The following F2 variants were observed in gnomAD, a reference collection of about 807,000 sequenced individuals.
F2 encodes the protein coagulation factor II, thrombin, also known as prothrombin.
A neutral mutation model predicts 81.9 loss-of-function variants in F2; 34 were observed. The observed-to-expected ratio is 0.42, with a 90% CI of 0.32 to 0.55. The LOEUF is 0.55. F2 is among the 20% of genes least tolerant of loss of function. The probability of loss-of-function intolerance (pLI) is 0.18; values close to 1 mark genes in which losing one functional copy is unlikely to be tolerated. For missense variants in F2, 630 were observed against 833.4 expected (o/e 0.76, Z 3.00); for synonymous variants, 296 against 326.4 (o/e 0.91, Z 1.01).
At chr11:46,736,075 C>T (rs538838133) in intron 12 of F2, among the ~76,000 whole-genome samples, 10 of 147,586 alleles carry the variant, frequency 6.8e-5, no homozygotes, top group South Asian at 6.5e-4. Flanking sequence ...TGGTGGTGTG[C>T]GCCTGTAATC....
chr11:46,725,021 C>T (rs1319191136), intron 6 of F2, among the ~76,000 whole-genome samples: 1 of 149,924 alleles, frequency 6.7e-6, no homozygotes, highest in East Asian at 2.0e-4. Flanking sequence ...CCTCCCGCCT[C>T]GGCCTCCCAA....
intron 11 of F2, 31 bp from the exon 12 acceptor site, chr11:46,729,349 C>T (rs773126270): frequency 4.4e-6 from 7 of 1,606,008 alleles, no homozygotes; most frequent in Middle Eastern, 1.6e-4. Flanking sequence ...TGGGGGTTGG[C>T]TCTCACTAGG....
chr11:46,738,949 C>CT, intron 12 of F2, 99 bp from the exon 13 acceptor site: 1 of 1,200,358 alleles, frequency 8.3e-7, no homozygotes, highest in Non-Finnish European at 1.2e-6. Flanking sequence ...GCAAGAATGA[C>CT]TGGAGGGGTA....
At chr11:46,722,379 G>T (rs1430049809) in intron 4 of F2, among the ~76,000 whole-genome samples, 1 of 151,994 alleles carries the variant, frequency 6.6e-6, no homozygotes, top group Admixed American at 6.6e-5. Flanking sequence ...CAGGCCAGGG[G>T]TTTGAGACCA....
chr11:46,722,563 C>G (rs897614509), intron 4 of F2, among the ~76,000 whole-genome samples: 2 of 152,072 alleles, frequency 1.3e-5, no homozygotes, highest in African/African-American at 2.4e-5. Flanking sequence ...ACTTCAGTCT[C>G]GGCAACAGAA....
rs1158058618 is a variant in F2 at position 46,728,011 on chromosome 11, C to T, written c.1146C>T (p.Phe382=). The T allele has an allele frequency of 6.2e-7, 1 of 1,610,394 alleles. No homozygotes were observed. Among genetic ancestry groups the T allele is most frequent in the African/African-American group, 1.3e-5 (1 of 74,816 alleles). The change falls in exon 10 of 14, where the codon TTC becomes TTT. Residue 382 remains phenylalanine (F), a synonymous_variant. Transcript: ENST00000311907. This position sits in a 1 kb window ranked among gnomAD's most constrained non-coding sequence, Gnocchi z 5.1. ...CCCCTCCCAGGCAGGTGATGCTTTT[C>T]CGGAAGAGTCCCCAGGAGCTGCTGT... ...IGMSPWQVML[F]RKSPQELLCG... is the part of the protein sequence containing the mutation.
intron 4 of F2, among the ~76,000 whole-genome samples, chr11:46,721,916 C>T (rs944340961): frequency 7.3e-5 from 11 of 151,572 alleles, no homozygotes; most frequent in Admixed American, 4.6e-4. Flanking sequence ...GATCTCGGCT[C>T]GCTGCAACCT....
At chr11:46,720,943 C>G in intron 4 of F2, 103 bp downstream of exon 4, 3 of 1,218,328 alleles carry the variant, frequency 2.5e-6, no homozygotes, top group Admixed American at 1.7e-5. Context: ...CGAGGCAGTC[C>G]CCAGCATCTG....
chr11:46,723,759 G>A lies in F2; in HGVS notation c.559+241G>A, dbSNP rs544552970. The stretch of plus-strand genomic sequence containing the variant: ...TACAAAAATTGCCAGGCGTGGTGGT[G>A]GGCGCCTGTAATCCCAACTACTCTG... On this transcript the variant is annotated intron_variant, in intron 6 of 13. Coordinates refer to ENST00000311907, the MANE Select transcript of F2 (RefSeq NM_000506.5). This position sits in a 1 kb window ranked among gnomAD's most constrained non-coding sequence, Gnocchi z 5.6. 5.3e-5 allele frequency among the ~76,000 whole-genome samples: 8 copies of A among 152,236 alleles called. No homozygotes were observed. The East Asian group carries it at 1.5e-3, about 29-fold the overall frequency.
At chr11:46,731,912 G>T (rs924723659) in intron 12 of F2, among the ~76,000 whole-genome samples, 49 of 88,164 alleles carry the variant, frequency 5.6e-4, no homozygotes, top group Middle Eastern at 6.4e-3. Flanking sequence ...ACACTTTGAT[G>T]TTTTTTTTTT....
chr11:46,719,984 C>T lies in F2; in HGVS notation c.240+122C>T, dbSNP rs1312549607. ...CGCTGCTCACAGCCTCATTTCAACT[C>T]TGAGCCCCTCCTCACAGGGCTGGCA... On this transcript the variant is annotated intron_variant, in intron 2 of 13. Transcript: ENST00000311907. This position sits in a 1 kb window ranked among gnomAD's most constrained non-coding sequence, Gnocchi z 4.7. The T allele has an allele frequency of 1.5e-6, 2 of 1,348,426 alleles. No homozygotes were observed. Among genetic ancestry groups the T allele is most frequent in the African/African-American group, 2.9e-5 (2 of 69,374 alleles). The allele number at this position is 1,348,426 out of a possible 1,614,324, so 83.5% of individuals were successfully genotyped here. A position where few individuals can be genotyped will look rare whatever the true frequency, so the allele number is the denominator to read the frequency against.
intron 9 of F2, 76 bp from the exon 10 acceptor site, chr11:46,727,920 G>A: frequency 6.6e-7 from 1 of 1,511,078 alleles, no homozygotes; most frequent in Non-Finnish European, 8.9e-7. Context: ...TTAGACCTGG[G>A]ATTGTTACTT....
At chr11:46,720,198 C>A (rs2064827588) in intron 2 of F2, 1 of 547,936 alleles carries the variant, frequency 1.8e-6, no homozygotes, top group Non-Finnish European at 3.3e-6. Flanking sequence ...GAGGCCACCA[C>A]AAGCCCCCGG....
chr11:46,728,941 C>T lies in F2; in HGVS notation c.1472+104C>T, dbSNP rs529775479. 7 of 1,305,522 alleles carry T rather than the reference C, an allele frequency of 5.4e-6. No homozygotes were observed. The highest frequency in any genetic ancestry group is 2.9e-5 in the African/African-American group (2 of 68,530). The allele number at this position is 1,305,522 out of a possible 1,614,324, so 80.9% of individuals were successfully genotyped here. A position where few individuals can be genotyped will look rare whatever the true frequency, so the allele number is the denominator to read the frequency against. Reference sequence around the variant, plus strand: ...GAGCCCCTTTCCCTTTTCCAGGCCTCGGTTTCTTGGAGTGAACCCAAAAGT... The same window carrying T: ...GAGCCCCTTTCCCTTTTCCAGGCCTTGGTTTCTTGGAGTGAACCCAAAAGT... On this transcript the variant is annotated intron_variant, in intron 11 of 13. Coordinates refer to ENST00000311907, the MANE Select transcript of F2 (RefSeq NM_000506.5). This position sits in a 1 kb window ranked among gnomAD's most constrained non-coding sequence, Gnocchi z 5.1.
In F2 at chr11:46,738,259, A is replaced by G. The variant is rs3136510; in HGVS notation, c.1655-789A>G. Among the ~76,000 whole-genome samples the G allele has an allele frequency of 3.2e-3, 483 of 152,162 alleles. 6 individuals are homozygous for G. The highest frequency in any genetic ancestry group is 0.011 in the African/African-American group (462 of 41,518). ...CATGATCCGCCCGCCTTGGCCTCCC[A>G]AAGTGCTGAGATTACAGGTGTGAGC... On this transcript the variant is annotated intron_variant, in intron 12 of 13. Coordinates refer to ENST00000311907, the MANE Select transcript of F2 (RefSeq NM_000506.5).
chr11:46,722,791 G>A (rs942434070), intron 4 of F2, among the ~76,000 whole-genome samples: 2 of 152,192 alleles, frequency 1.3e-5, no homozygotes, highest in Non-Finnish European at 2.9e-5. Flanking sequence ...GAAACAATCC[G>A]TGGAAAGACC....
At position 46,726,895 on chromosome 11, in the gene F2, C is replaced by T; in HGVS notation, c.1130+58C>T. 1 of 1,608,668 alleles carries T rather than the reference C, an allele frequency of 6.2e-7. No homozygotes were observed. The highest frequency in any genetic ancestry group is 1.1e-5 in the South Asian group (1 of 90,884). On this transcript the variant is annotated intron_variant, in intron 9 of 13. Coordinates refer to ENST00000311907, the MANE Select transcript of F2 (RefSeq NM_000506.5). The surrounding 1 kb of genome is among the most constrained non-coding windows in gnomAD (Gnocchi z 5.9). ...CCTGGGGGCAGGTGTGCTGCTGGACCCCCACCCTCAGGCCCTGCCTGCAGG... is the reference window on the plus strand; with the variant it reads ...CCTGGGGGCAGGTGTGCTGCTGGACTCCCACCCTCAGGCCCTGCCTGCAGG...
At chr11:46,729,238 C>A in intron 11 of F2, 142 bp from the exon 12 acceptor site, 1 of 923,572 alleles carries the variant, frequency 1.1e-6, no homozygotes, top group Admixed American at 2.6e-5. Flanking sequence ...CCTCGGCCTC[C>A]CAAAGTGCCG....
chr11:46,725,995 C>T lies in F2; in HGVS notation c.696C>T (p.Leu232=). 2 of 1,613,990 alleles carry T rather than the reference C, an allele frequency of 1.2e-6. No homozygotes were observed. Among genetic ancestry groups the T allele is most frequent in the Non-Finnish European group, 1.7e-6 (2 of 1,179,978 alleles). The part of the protein sequence containing the change: ...QGRLAVTTHG[L]PCLAWASAQA... Reference sequence around the variant, plus strand: ...GCCTGGCGGTGACCACACATGGGCTCCCCTGCCTGGCCTGGGCCAGCGCAC... The same window carrying T: ...GCCTGGCGGTGACCACACATGGGCTTCCCTGCCTGGCCTGGGCCAGCGCAC... Residue 232 remains leucine, a synonymous_variant, in exon 7 of 14, where the codon CTC becomes CTT. Transcript: ENST00000311907.
Sources: gnomAD v4.1 joint callset for allele counts (sites outside exome capture counted in the v4.1 genomes callset) on GRCh38, gnomAD v4.1.1 for gene constraint, Gnocchi (gnomAD v3.1) non-coding constraint, MANE v1.5 for transcripts, NCBI Gene and HGNC (gene_info 2026-07-23, HGNC 2026-07-21) for gene names.